Variants in LYST observed in about 807,000 individuals in gnomAD.
LYST encodes lysosomal-trafficking regulator.
A neutral mutation model predicts 413.6 loss-of-function variants in LYST; 192 were observed. That is an observed-to-expected ratio of 0.46 (90% CI 0.41 to 0.52). The LOEUF (loss-of-function observed/expected upper bound fraction) is 0.52. Ranked by LOEUF, LYST falls within the 20% of genes least tolerant of loss-of-function variation. The pLI, the probability that LYST is intolerant of heterozygous loss-of-function variation, is 0.00. For missense variants in LYST, 3,815 were observed against 4,499.9 expected, an observed-to-expected ratio of 0.85 and a Z score of 4.35; for synonymous variants, 1,525 against 1,567.3, an observed-to-expected ratio of 0.97 and a Z score of 0.64.
At chr1:235,836,515 T>C (rs940890425) in intron 1 of LYST, among the ~76,000 whole-genome samples, 11 of 152,188 alleles carry the variant, frequency 7.2e-5, no homozygotes, top group African/African-American at 2.7e-4. Flanking sequence ...TGTGGGTATC[T>C]GGGAAACGTG....
At chr1:235,758,946 A>T (rs748149337) in intron 23 of LYST, 26 bp downstream of exon 23, 9 of 1,610,908 alleles carry the variant, frequency 5.6e-6, no homozygotes, top group Non-Finnish European at 5.9e-6. Flanking sequence ...TAAAGGTGGG[A>T]GGAGTGTACA....
intron 46 of LYST, among the ~76,000 whole-genome samples, chr1:235,696,769 C>A (rs1288792420): frequency 6.6e-6 from 1 of 152,146 alleles, no homozygotes; most frequent in Non-Finnish European, 1.5e-5. Flanking sequence ...ATTTGTTGGT[C>A]AAATACGTCT....
At chr1:235,696,968 A>G in intron 46 of LYST, 115 bp downstream of exon 46, 2 of 1,002,962 alleles carry the variant, frequency 2.0e-6, no homozygotes, top group Non-Finnish European at 3.1e-6. Flanking sequence ...AAATAACCAC[A>G]AATTTGAGCT....
chr1:235,741,337 T>C (rs1024074396), intron 31 of LYST, 85 bp downstream of exon 31: 2 of 1,136,282 alleles, frequency 1.8e-6, no homozygotes, highest in Non-Finnish European at 2.7e-6. Context: ...GGCATGAACA[T>C]TCAGTTTAAT....
chr1:235,662,859 G>T lies in LYST; in HGVS notation c.*81C>A. 1.2e-6 allele frequency: 1 copy of T among 832,208 alleles called. No homozygotes were observed. 51.6% of individuals were successfully genotyped at this position (832,208 alleles called of 1,614,324 possible). Reference sequence around the variant, plus strand: ...TTTGTCCAGTCATCCATTTCTTTAGGTTCAACCTCCTAAAACTGGTGAAGT... The same window carrying T: ...TTTGTCCAGTCATCCATTTCTTTAGTTTCAACCTCCTAAAACTGGTGAAGT... On this transcript the variant is annotated 3_prime_UTR_variant, in exon 53 of 53. Coordinates refer to ENST00000389793, the MANE Select transcript of LYST (RefSeq NM_000081.4).
At chr1:235,855,600 C>T (rs953342064) in intron 1 of LYST, among the ~76,000 whole-genome samples, 1 of 152,070 alleles carries the variant, frequency 6.6e-6, no homozygotes, top group Non-Finnish European at 1.5e-5. Flanking sequence ...ATGCTAAAAA[C>T]AGCTTGGAGC....
At chr1:235,781,164 T>A (rs1669834311) in intron 15 of LYST, 109 bp from the exon 16 acceptor site, 1 of 727,362 alleles carries the variant, frequency 1.4e-6, no homozygotes, top group South Asian at 1.7e-5. Flanking sequence ...TTTCAGTTGT[T>A]CACTATATTT....
rs78699311 is a variant in LYST, at chr1:235,764,260, G to A, written c.6122-1409C>T. ...ACTGCCTTATCACTGTGCTTTCCACGTGGCATGATATAATCGTTTCTTTAT... is the reference window on the plus strand; with the variant it reads ...ACTGCCTTATCACTGTGCTTTCCACATGGCATGATATAATCGTTTCTTTAT... On this transcript the variant is annotated intron_variant, in intron 21 of 52. Transcript: ENST00000389793. Among the ~76,000 whole-genome samples, 1,302 of 152,108 alleles carry A rather than the reference G, an allele frequency of 8.6e-3. 10 individuals are homozygous for A. Among genetic ancestry groups the A allele is most frequent in the African/African-American group, 0.03 (1,233 of 41,470 alleles).
At chr1:235,866,434 T>C (rs1379860664) in intron 1 of LYST, among the ~76,000 whole-genome samples, 1 of 152,174 alleles carries the variant, frequency 6.6e-6, no homozygotes. Context: ...TGGGCCCAGC[T>C]GGGCTGAGTA....
chr1:235,775,159 C>T (rs1350821632), intron 17 of LYST, 73 bp from the exon 18 acceptor site: 2 of 1,060,406 alleles, frequency 1.9e-6, no homozygotes, highest in African/African-American at 1.6e-5. Flanking sequence ...GTATAATCTT[C>T]CATTCTGTAA....
intron 19 of LYST, among the ~76,000 whole-genome samples, chr1:235,771,994 G>A (rs908509574): frequency 4.7e-5 from 7 of 149,694 alleles, no homozygotes; most frequent in Non-Finnish European, 7.4e-5. Flanking sequence ...AGGCCAAGGC[G>A]GGAGGACTGC....
At chr1:235,845,388 T>C (rs1013090689) in intron 1 of LYST, among the ~76,000 whole-genome samples, 1 of 152,024 alleles carries the variant, frequency 6.6e-6, no homozygotes, top group African/African-American at 2.4e-5. Flanking sequence ...CAAGGATCCA[T>C]TGGGAGGGTG....
chr1:235,873,101 C>G (rs2103230586), intron 1 of LYST, among the ~76,000 whole-genome samples: 1 of 152,246 alleles, frequency 6.6e-6, no homozygotes. Flanking sequence ...CTGAGGCTCT[C>G]TTGGTTTCCT....
Position 235,662,783 on chromosome 1 carries a change from G to T in LYST, c.*157C>A. 1 of 748,044 alleles carries T rather than the reference G, an allele frequency of 1.3e-6. No individual in the cohort carries two copies. 46.3% of individuals were successfully genotyped at this position (748,044 alleles called of 1,614,324 possible). A position where few individuals can be genotyped will look rare whatever the true frequency, so the allele number is the denominator to read the frequency against. On this transcript the variant is annotated 3_prime_UTR_variant, in exon 53 of 53. Coordinates refer to ENST00000389793, the MANE Select transcript of LYST (RefSeq NM_000081.4). ...CAGAACTTTCCTCTTAGGATCATGT[G>T]ACTCTTCAGAATTTTGTGCAGATGA... is the stretch of plus-strand genomic sequence containing the variant.
chr1:235,851,891 T>C (rs1221138016), intron 1 of LYST, among the ~76,000 whole-genome samples: 2 of 152,170 alleles, frequency 1.3e-5, no homozygotes, highest in African/African-American at 4.8e-5. Flanking sequence ...AATTTAACAA[T>C]AATATAAATG....
rs757222354 is a variant in LYST at position 235,775,041 on chromosome 1, G to A, written c.5506C>T (p.Arg1836Ter). The A allele has an allele frequency of 2.5e-6, 4 of 1,611,254 alleles. No homozygotes were observed. The highest frequency in any genetic ancestry group is 3.4e-6 in the Non-Finnish European group (4 of 1,179,064). The change falls in exon 18 of 53, where the codon CGA becomes TGA. Residue 1836 changes from arginine to a stop codon, truncating the protein, a stop_gained. Transcript: ENST00000389793. LOFTEE classifies it high-confidence loss of function. ...SCEETQALAL[R>*]VILSLIKYNQ... ...TATTTAATTAATGAGAGTATAACTC[G>A]CAGTGCTAATGCTTGAGTTTCTTCA...
intron 47 of LYST, among the ~76,000 whole-genome samples, chr1:235,690,836 C>T (rs1204115148): frequency 1.3e-5 from 2 of 152,024 alleles, no homozygotes; most frequent in Non-Finnish European, 2.9e-5. Context: ...AAAAAGAAGG[C>T]TGTCCATACG....
intron 48 of LYST, among the ~76,000 whole-genome samples, chr1:235,684,959 A>G (rs1398565139): frequency 6.6e-6 from 1 of 152,078 alleles, no homozygotes; most frequent in Non-Finnish European, 1.5e-5. Flanking sequence ...TTATCATGGC[A>G]TATAAGAACC....
At chr1:235,845,061 C>G (rs974324256) in intron 1 of LYST, among the ~76,000 whole-genome samples, 6 of 152,130 alleles carry the variant, frequency 3.9e-5, no homozygotes, top group African/African-American at 1.2e-4. Context: ...GCTCCAGATC[C>G]ACTGCAAGAA....
Sources: gnomAD v4.1 joint callset for allele counts (sites outside exome capture counted in the v4.1 genomes callset) on GRCh38, gnomAD v4.1.1 for gene constraint, MANE v1.5 for transcripts, NCBI Gene and HGNC (gene_info 2026-07-23, HGNC 2026-07-21) for gene names.